STAC: variants seen among roughly 807,000 people sequenced by gnomAD.
The protein encoded by STAC is SH3 and cysteine rich domain, also known as SH3 and cysteine-rich domain-containing protein.
A neutral mutation model predicts 48.8 loss-of-function variants in STAC; 43 were observed. That is an observed-to-expected ratio of 0.88 (90% CI 0.69 to 1.14). The LOEUF (loss-of-function observed/expected upper bound fraction) is 1.14. Among genes scored for constraint, STAC ranks in the 50% most tolerant of loss-of-function variants. The pLI is 0.00. For synonymous variants in STAC, 193 were observed against 179.5 expected, an observed-to-expected ratio of 1.07 and a Z score of -0.60; for missense variants, 497 against 504.0, an observed-to-expected ratio of 0.99 and a Z score of 0.13.
chr3:36,454,744 A>C (rs1436943047), intron 2 of STAC, among the ~76,000 whole-genome samples: 2 of 152,218 alleles, frequency 1.3e-5, no homozygotes, highest in African/African-American at 2.4e-5. Context: ...GTAAGAAAAA[A>C]AAATACAGAA....
chr3:36,410,737 A>G (rs1283353024), intron 1 of STAC, among the ~76,000 whole-genome samples: 1 of 152,246 alleles, frequency 6.6e-6, no homozygotes, highest in Non-Finnish European at 1.5e-5. Context: ...TGTATTCAGC[A>G]GCAAATTGAA....
intron 1 of STAC, among the ~76,000 whole-genome samples, chr3:36,417,149 G>A (rs148128262): frequency 2.0e-3 from 302 of 152,282 alleles, no homozygotes; most frequent in Admixed American, 3.5e-3. Flanking sequence ...TGCTCTGCAT[G>A]GACAAGAGTG....
At chr3:36,382,032 C>T (rs1024892879) in intron 1 of STAC, among the ~76,000 whole-genome samples, 15 of 152,114 alleles carry the variant, frequency 9.9e-5, no homozygotes, top group African/African-American at 3.6e-4. Context: ...ACTGTAAGGA[C>T]TCAATCATGT....
chr3:36,526,123 A>C (rs1172922745), intron 8 of STAC, among the ~76,000 whole-genome samples: 1 of 152,238 alleles, frequency 6.6e-6, no homozygotes, highest in Non-Finnish European at 1.5e-5. Flanking sequence ...CAGAGACCAA[A>C]GAATACTCAG....
chr3:36,544,843 T>C (rs767416333), intron 10 of STAC, among the ~76,000 whole-genome samples: 8 of 152,192 alleles, frequency 5.3e-5, no homozygotes, highest in African/African-American at 7.2e-5. Context: ...ACACATCCAC[T>C]ACTCTTACAA....
At chr3:36,460,702 G>A (rs765098370) in intron 2 of STAC, among the ~76,000 whole-genome samples, 3 of 152,098 alleles carry the variant, frequency 2.0e-5, no homozygotes, top group East Asian at 1.9e-4. Flanking sequence ...GGAAAACCTC[G>A]GTCAGAAAAT....
intron 2 of STAC, among the ~76,000 whole-genome samples, chr3:36,457,750 G>T (rs1265061206): frequency 2.0e-5 from 3 of 152,162 alleles, no homozygotes; most frequent in Admixed American, 1.3e-4. Flanking sequence ...CATCCAGGAG[G>T]ATACCTCCTC....
intron 1 of STAC, among the ~76,000 whole-genome samples, chr3:36,412,250 G>A (rs1471225836): frequency 1.3e-5 from 2 of 152,042 alleles, no homozygotes; most frequent in Non-Finnish European, 2.9e-5. Flanking sequence ...TTGACATTAC[G>A]CCTATGTTCT....
intron 1 of STAC, among the ~76,000 whole-genome samples, chr3:36,437,674 G>T (rs1455334554): frequency 1.3e-5 from 2 of 149,854 alleles, no homozygotes; most frequent in East Asian, 4.0e-4. Flanking sequence ...TATACCTAAT[G>T]CTAAATGACG....
At chr3:36,409,996 T>C (rs942082805) in intron 1 of STAC, among the ~76,000 whole-genome samples, 2 of 152,148 alleles carry the variant, frequency 1.3e-5, no homozygotes, top group African/African-American at 4.8e-5. Context: ...CCAAAGATCA[T>C]CTGGAGTGGC....
At chr3:36,515,039 A>AAATAATAATAATAAT (rs142944670) in intron 8 of STAC, among the ~76,000 whole-genome samples, 24 of 147,800 alleles carry the variant, frequency 1.6e-4, no homozygotes, top group African/African-American at 6.0e-4. Flanking sequence ...CTCTGTCTCC[A>AAATAATAATAATAAT]AATAATAATA....
At chr3:36,479,218 A>C (rs543275338) in intron 2 of STAC, among the ~76,000 whole-genome samples, 65 of 152,224 alleles carry the variant, frequency 4.3e-4, no homozygotes, top group African/African-American at 1.5e-3. Flanking sequence ...ACCTTCATAC[A>C]TGTTAATAAT....
At chr3:36,536,959 A>T (rs1347288271) in intron 10 of STAC, among the ~76,000 whole-genome samples, 1 of 152,184 alleles carries the variant, frequency 6.6e-6, no homozygotes, top group Non-Finnish European at 1.5e-5. Context: ...GCTCAACATC[A>T]CTGATCATTA....
intron 1 of STAC, 76 bp downstream of exon 1, chr3:36,380,830 T>C: frequency 8.5e-7 from 1 of 1,179,858 alleles, no homozygotes; most frequent in Non-Finnish European, 1.2e-6. Context: ...TCTCTCCTCC[T>C]ATCTAGCACG....
At chr3:36,530,593 C>CTTTTTTTTTTTTTT (rs577222686) in intron 10 of STAC, among the ~76,000 whole-genome samples, 203 of 72,002 alleles carry the variant, frequency 2.8e-3, no homozygotes, top group Middle Eastern at 0.01. Context: ...TTTTTTTTTT[C>CTTTTTTTTTTTTTT]TTTTTTTTTT....
chr3:36,382,420 C>T (rs1699530139), intron 1 of STAC, among the ~76,000 whole-genome samples: 1 of 152,208 alleles, frequency 6.6e-6, no homozygotes, highest in African/African-American at 2.4e-5. Context: ...TTTGGCAGAG[C>T]AAAAGCCACA....
intron 1 of STAC, among the ~76,000 whole-genome samples, chr3:36,419,197 A>G (rs1483447948): frequency 1.3e-5 from 2 of 152,116 alleles, no homozygotes; most frequent in Middle Eastern, 3.2e-3. Flanking sequence ...CTTAAATTCA[A>G]TTCTATCTAA....
intron 8 of STAC, among the ~76,000 whole-genome samples, chr3:36,509,574 A>G (rs1004066503): frequency 1.3e-5 from 2 of 152,044 alleles, no homozygotes; most frequent in African/African-American, 2.4e-5. Context: ...CCATAGTCCC[A>G]TATTTCTTGG....
At chr3:36,515,288 G>A (rs1698643608) in intron 8 of STAC, among the ~76,000 whole-genome samples, 1 of 152,178 alleles carries the variant, frequency 6.6e-6, no homozygotes, top group South Asian at 2.1e-4. Context: ...AGCTCTCACA[G>A]CTGAGAGGAA....
Sources: allele counts gnomAD v4.1 joint callset (sites outside exome capture counted in the v4.1 genomes callset), GRCh38; gene constraint gnomAD v4.1.1; transcripts MANE v1.5; gene names NCBI Gene and HGNC (gene_info 2026-07-23, HGNC 2026-07-21).